The following RUBCNL variants were observed in gnomAD, a reference collection of about 807,000 sequenced individuals.
The protein encoded by RUBCNL is protein associated with UVRAG as autophagy enhancer.
RUBCNL carries 62 observed loss-of-function variants against 69.5 expected under a neutral mutation model. That is an observed-to-expected ratio of 0.89 (90% CI 0.73 to 1.10). The LOEUF (loss-of-function observed/expected upper bound fraction) is 1.10, where lower values mean the gene tolerates loss of function less well. Ranked by LOEUF, RUBCNL falls within the 50% of genes least tolerant of loss-of-function variation. RUBCNL has a pLI of 0.00. For missense variants in RUBCNL, 768 were observed against 798.1 expected (o/e 0.96, Z 0.45); for synonymous variants, 291 against 303.6 (o/e 0.96, Z 0.43).
intron 1 of RUBCNL, chr13:46,385,377 T>C (rs773953105): frequency 1.2e-4 from 49 of 416,794 alleles, no homozygotes; most frequent in East Asian, 1.6e-4. Context: ...CAGGCACTAA[T>C]ATTACTACAC....
In RUBCNL at chr13:46,342,446, T is replaced by C. The variant is rs1362142644; in HGVS notation, c.*939A>G. On this transcript the variant is annotated 3_prime_UTR_variant, in exon 15 of 15. Transcript: ENST00000429979. ...ATATAGAAAGTAGAAGAAAAAAGAATAGGCTCACATGTTTCAGGAAAACAT... is the reference window on the plus strand; with the variant it reads ...ATATAGAAAGTAGAAGAAAAAAGAACAGGCTCACATGTTTCAGGAAAACAT... The C allele has an allele frequency of 1.3e-5, 2 of 152,260 alleles. No homozygotes were observed. The allele number at this position is 152,260 out of a possible 1,614,324, so 9.4% of individuals were successfully genotyped here. A position where few individuals can be genotyped will look rare whatever the true frequency, so the allele number is the denominator to read the frequency against.
chr13:46,343,232 T>C lies in RUBCNL; in HGVS notation c.*153A>G. 2 of 1,197,774 alleles carry C rather than the reference T, an allele frequency of 1.7e-6. No homozygotes were observed. Among genetic ancestry groups the C allele is most frequent in the South Asian group, 1.7e-5 (1 of 57,414 alleles). 74.2% of individuals were successfully genotyped at this position (1,197,774 alleles called of 1,614,324 possible). ...CTTAAACACAGAATCTGCATTCTTT[T>C]GAAACATTAAGTATATGCAATAAAG... is the stretch of plus-strand genomic sequence containing the variant. On this transcript the variant is annotated 3_prime_UTR_variant, in exon 15 of 15. Transcript: ENST00000429979.
Position 46,343,462 on chromosome 13 carries a change from A to G in RUBCNL, c.1912T>C (p.Ser638Pro). The G allele has an allele frequency of 6.2e-7, 1 of 1,613,904 alleles. No homozygotes were observed. Among genetic ancestry groups the G allele is most frequent in the South Asian group, 1.1e-5 (1 of 91,058 alleles). ...CTCGCACACCGGGGGCACTCGGAGG[A>G]CTGGAAGCACTGTTTGTGAAAGCAA... ...RACFHKQCFQ[S>P]SECPRCARIT... The change falls in exon 15 of 15, where the codon TCC (serine) becomes CCC (proline). Residue 638 changes from serine to proline, a missense_variant. Transcript: ENST00000429979.
At chr13:46,362,621 G>A (rs2048640038) in intron 6 of RUBCNL, 23 bp from the exon 7 acceptor site, 3 of 1,545,100 alleles carry the variant, frequency 1.9e-6, no homozygotes, top group Admixed American at 1.7e-5. Context: ...AAAAGAAAGA[G>A]TGGTGAGGTC....
intron 12 of RUBCNL, 80 bp downstream of exon 12, chr13:46,349,206 G>C (rs1480697650): frequency 8.9e-6 from 11 of 1,230,972 alleles, no homozygotes; most frequent in African/African-American, 8.9e-5. Context: ...CTGTGTAATG[G>C]GGGAGCCAGA....
intron 4 of RUBCNL, 22 bp from the exon 5 acceptor site, chr13:46,368,271 A>C: frequency 8.1e-6 from 13 of 1,597,912 alleles, no homozygotes; most frequent in Non-Finnish European, 1.0e-5. Flanking sequence ...GAAATCAATT[A>C]AAATACAAGC....
intron 2 of RUBCNL, among the ~76,000 whole-genome samples, chr13:46,375,131 T>C (rs1049283193): frequency 6.6e-6 from 1 of 152,208 alleles, no homozygotes; most frequent in African/African-American, 2.4e-5. Flanking sequence ...AGGGGCCTTG[T>C]CTGTTCCCTG....
intron 1 of RUBCNL, chr13:46,385,255 C>G: frequency 1.0e-6 from 1 of 982,904 alleles, no homozygotes; most frequent in Non-Finnish European, 1.2e-6. Flanking sequence ...TTACAGAGAC[C>G]TGGTTTTATT....
chr13:46,361,904 T>G (rs1161471255), intron 7 of RUBCNL, among the ~76,000 whole-genome samples: 2 of 152,128 alleles, frequency 1.3e-5, no homozygotes, highest in African/African-American at 4.8e-5. Flanking sequence ...GTCTCAATTT[T>G]TATGTCTATA....
intron 5 of RUBCNL, among the ~76,000 whole-genome samples, chr13:46,366,591 G>C (rs2048761092): frequency 6.6e-6 from 1 of 152,138 alleles, no homozygotes; most frequent in South Asian, 2.1e-4. Context: ...ACAGGTATTT[G>C]ATCATATACC....
chr13:46,372,202 G>T lies in RUBCNL; in HGVS notation c.274C>A (p.Pro92Thr), dbSNP rs1428825312. ...TDAASPSGPS[P>T]SCLGDSLAET... Reference sequence around the variant, plus strand: ...GCCAGGGAGTCCCCGAGGCACGAAGGTGAAGGGCCTGAGGGAGAGGCAGCA... The same window carrying T: ...GCCAGGGAGTCCCCGAGGCACGAAGTTGAAGGGCCTGAGGGAGAGGCAGCA... The change falls in exon 3 of 15, where the codon CCT (proline) becomes ACT (threonine). Residue 92 changes from proline to threonine, a missense_variant. Coordinates refer to ENST00000429979, the MANE Select transcript of RUBCNL (RefSeq NM_025113.5). The T allele has an allele frequency of 1.2e-6, 2 of 1,614,070 alleles. No homozygotes were observed. Among genetic ancestry groups the T allele is most frequent in the Middle Eastern group, 1.6e-4 (1 of 6,062 alleles).
At chr13:46,383,224 G>A (rs2049159592) in intron 1 of RUBCNL, among the ~76,000 whole-genome samples, 1 of 152,092 alleles carries the variant, frequency 6.6e-6, no homozygotes, top group Non-Finnish European at 1.5e-5. Flanking sequence ...ATCTGTCCAG[G>A]AGTCCCTAGG....
At chr13:46,373,530 T>C (rs1273957733) in intron 2 of RUBCNL, among the ~76,000 whole-genome samples, 1 of 152,016 alleles carries the variant, frequency 6.6e-6, no homozygotes, top group African/African-American at 2.4e-5. Context: ...GAAGACGTAA[T>C]GATTAAAATG....
In RUBCNL at chr13:46,334,759, A is replaced by T. The variant is rs1260132034; in HGVS notation, c.*8626T>A. The stretch of plus-strand genomic sequence containing the variant: ...AAACATACTTTTCATAACTTATATC[A>T]TTTAATCTGTACGACAACCTTGTGA... On this transcript the variant is annotated 3_prime_UTR_variant, in exon 15 of 15. Coordinates refer to ENST00000429979, the MANE Select transcript of RUBCNL (RefSeq NM_025113.5). Among the ~76,000 whole-genome samples, 1 of 152,228 alleles carries T rather than the reference A, an allele frequency of 6.6e-6. No individual in the cohort carries two copies. Among genetic ancestry groups the T allele is most frequent in the Non-Finnish European group, 1.5e-5 (1 of 68,042 alleles).
intron 8 of RUBCNL, among the ~76,000 whole-genome samples, chr13:46,360,118 G>A (rs1409619393): frequency 1.3e-5 from 2 of 152,150 alleles, no homozygotes; most frequent in African/African-American, 2.4e-5. Context: ...GCTGGGTGCA[G>A]TGGCTCATGC....
chr13:46,377,460 C>T (rs940820324), intron 2 of RUBCNL, among the ~76,000 whole-genome samples: 6 of 152,176 alleles, frequency 3.9e-5, no homozygotes, highest in African/African-American at 1.4e-4. Context: ...GATGGGGTTT[C>T]ACCATGTTGG....
At chr13:46,346,250 C>T (rs1186205478) in intron 12 of RUBCNL, among the ~76,000 whole-genome samples, 3 of 152,208 alleles carry the variant, frequency 2.0e-5, no homozygotes, top group African/African-American at 7.2e-5. Flanking sequence ...ACTTGGCATG[C>T]TACAATGCCA....
chr13:46,382,139 T>A (rs79598025), intron 1 of RUBCNL, among the ~76,000 whole-genome samples: 93 of 152,238 alleles, frequency 6.1e-4, no homozygotes, highest in African/African-American at 2.0e-3. Flanking sequence ...ATTTGGCATG[T>A]AAATTCTATC....
intron 10 of RUBCNL, among the ~76,000 whole-genome samples, chr13:46,351,778 A>G (rs898151947): frequency 2.0e-5 from 3 of 151,988 alleles, no homozygotes; most frequent in Admixed American, 1.3e-4. Context: ...AAAAGCCAAC[A>G]GTGACTATTT....
Sources: gnomAD v4.1 joint callset for allele counts (sites outside exome capture counted in the v4.1 genomes callset) on GRCh38, gnomAD v4.1.1 for gene constraint, MANE v1.5 for transcripts, NCBI Gene and HGNC (gene_info 2026-07-23, HGNC 2026-07-21) for gene names.